The following DSCAML1 variants were observed in gnomAD, a reference collection of about 807,000 sequenced individuals.
DSCAML1 encodes DS cell adhesion molecule like 1.
A neutral mutation model predicts 200.5 loss-of-function variants in DSCAML1; 38 were observed. The observed-to-expected ratio is 0.19, with a 90% CI of 0.15 to 0.25. The LOEUF is 0.25. Among genes scored for constraint, DSCAML1 ranks in the 10% least tolerant of loss-of-function variants. The pLI, the probability that DSCAML1 is intolerant of heterozygous loss-of-function variation, is 1.00. For synonymous variants in DSCAML1, 1,215 were observed against 1,165.0 expected, an observed-to-expected ratio of 1.04 and a Z score of -0.87; for missense variants, 2,223 against 2,858.8, an observed-to-expected ratio of 0.78 and a Z score of 5.07.
intron 3 of DSCAML1, among the ~76,000 whole-genome samples, chr11:117,551,127 A>G (rs1214043799): frequency 6.6e-6 from 1 of 152,252 alleles, no homozygotes; most frequent in Non-Finnish European, 1.5e-5. Context: ...TTGAAGGGCC[A>G]TAAAGTTTCC....
rs373865472 is a variant in DSCAML1, at chr11:117,438,087, C to T, written c.4244-4G>A. The T allele has an allele frequency of 4.7e-4, 761 of 1,604,770 alleles. 9 individuals carry two copies. In the South Asian group the frequency reaches 4.7e-3, roughly 10 times the overall value. On this transcript the variant is annotated splice_region_variant and splice_polypyrimidine_tract_variant and intron_variant, in intron 24 of 32. Coordinates refer to ENST00000651296, the MANE Select transcript of DSCAML1 (RefSeq NM_020693.4). ...ACCGAGTACTGTAGCACGAAGCCTGCGGAGGGTAGGCCTGATTCAGGTGGG... is the reference window on the plus strand; with the variant it reads ...ACCGAGTACTGTAGCACGAAGCCTGTGGAGGGTAGGCCTGATTCAGGTGGG...
At chr11:117,495,380 C>G (rs1305331831) in intron 11 of DSCAML1, among the ~76,000 whole-genome samples, 1 of 152,178 alleles carries the variant, frequency 6.6e-6, no homozygotes, top group Non-Finnish European at 1.5e-5. Flanking sequence ...GGAGAAGATG[C>G]TCTTTAGAAC....
chr11:117,723,260 C>T (rs2054070047), intron 3 of DSCAML1, among the ~76,000 whole-genome samples: 1 of 152,192 alleles, frequency 6.6e-6, no homozygotes, highest in South Asian at 2.1e-4. Flanking sequence ...TATATCTGCA[C>T]CAAAGTCACT....
At chr11:117,809,188 G>A (rs1208943743) in intron 1 of DSCAML1, among the ~76,000 whole-genome samples, 3 of 152,258 alleles carry the variant, frequency 2.0e-5, no homozygotes, top group African/African-American at 7.2e-5. Flanking sequence ...TGAGACCCCA[G>A]GCTCAGGAGA....
At chr11:117,466,604 G>A (rs1327634967) in intron 16 of DSCAML1, among the ~76,000 whole-genome samples, 1 of 152,142 alleles carries the variant, frequency 6.6e-6, no homozygotes, top group Non-Finnish European at 1.5e-5. Flanking sequence ...AGGAGGCTGA[G>A]GCAGGAGAAT....
At chr11:117,787,830 T>C (rs1037617741) in intron 1 of DSCAML1, among the ~76,000 whole-genome samples, 68 of 151,892 alleles carry the variant, frequency 4.5e-4, no homozygotes, top group African/African-American at 1.6e-3. Context: ...GCTGGAGAGG[T>C]TTCTTGGATT....
At chr11:117,582,402 G>A (rs1160454837) in intron 3 of DSCAML1, among the ~76,000 whole-genome samples, 1 of 152,216 alleles carries the variant, frequency 6.6e-6, no homozygotes, top group Non-Finnish European at 1.5e-5. Context: ...CAAGGATCTT[G>A]GCTGGTTGAG....
intron 19 of DSCAML1, among the ~76,000 whole-genome samples, chr11:117,457,804 T>A (rs1254538247): frequency 6.6e-6 from 1 of 152,106 alleles, no homozygotes; most frequent in East Asian, 1.9e-4. Flanking sequence ...TCAGCCAAAT[T>A]GTTTGGGTAG....
chr11:117,654,911 A>G (rs886867198), intron 3 of DSCAML1, among the ~76,000 whole-genome samples: 2 of 152,142 alleles, frequency 1.3e-5, no homozygotes, highest in African/African-American at 4.8e-5. Context: ...CTTTCTCTTC[A>G]TCTCTACCCC....
intron 3 of DSCAML1, among the ~76,000 whole-genome samples, chr11:117,617,831 A>G (rs2051842735): frequency 6.6e-6 from 1 of 151,230 alleles, no homozygotes; most frequent in African/African-American, 2.4e-5. Context: ...ACTTCACTAC[A>G]CTCTGTGCCT....
chr11:117,587,892 T>C (rs974463133), intron 3 of DSCAML1, among the ~76,000 whole-genome samples: 48 of 152,162 alleles, frequency 3.2e-4, no homozygotes, highest in Non-Finnish European at 5.6e-4. Context: ...CTGAGTGAAA[T>C]CACAGCCCCT....
rs2049990216 is a variant in DSCAML1, at chr11:117,527,059, A to T, written c.659-1976T>A. On this transcript the variant is annotated intron_variant, in intron 4 of 32. Coordinates refer to ENST00000651296, the MANE Select transcript of DSCAML1 (RefSeq NM_020693.4). ...AAGCCTGTGGTCCTGGCTACTCAGG[A>T]GGCTGAGGTGGGAGGATCAATTGAG... Among the ~76,000 whole-genome samples the T allele has an allele frequency of 1.3e-5, 2 of 152,114 alleles. 1 individual carries two copies. Among genetic ancestry groups the T allele is most frequent in the South Asian group, 4.1e-4 (2 of 4,820 alleles).
chr11:117,758,844 C>T (rs11216535), intron 3 of DSCAML1, among the ~76,000 whole-genome samples: 8,124 of 152,148 alleles, frequency 0.053, 270 homozygotes, highest in Non-Finnish European at 0.069. Context: ...AGCATGTGAG[C>T]GTCCCCAACT....
At chr11:117,660,418 G>A (rs566171394) in intron 3 of DSCAML1, among the ~76,000 whole-genome samples, 9 of 152,272 alleles carry the variant, frequency 5.9e-5, no homozygotes, top group Admixed American at 3.3e-4. Flanking sequence ...TTCCTCAGCC[G>A]AAAAATGACA....
chr11:117,528,932 GC>G (rs150220972), intron 4 of DSCAML1, among the ~76,000 whole-genome samples: 10,890 of 79,270 alleles, frequency 0.14, 609 homozygotes, highest in African/African-American at 0.28. Flanking sequence ...GCCGCCCCCC[GC>G]CCCCCCCCTT....
At chr11:117,662,940 A>G (rs1038776926) in intron 3 of DSCAML1, among the ~76,000 whole-genome samples, 1 of 152,208 alleles carries the variant, frequency 6.6e-6, no homozygotes, top group African/African-American at 2.4e-5. Context: ...AAATAAATGT[A>G]GACTCAGAAA....
chr11:117,554,886 T>G (rs1478577883), intron 3 of DSCAML1, among the ~76,000 whole-genome samples: 1 of 151,570 alleles, frequency 6.6e-6, no homozygotes, highest in Non-Finnish European at 1.5e-5. Flanking sequence ...TTGTGGAGGG[T>G]TTTCGTTACA....
intron 3 of DSCAML1, among the ~76,000 whole-genome samples, chr11:117,650,665 A>G (rs926789793): frequency 2.7e-5 from 3 of 112,352 alleles, no homozygotes; most frequent in East Asian, 4.8e-4. Context: ...GTGTGTGTCT[A>G]TCTGTGTGTG....
At chr11:117,472,418 C>T (rs1050233902) in intron 14 of DSCAML1, among the ~76,000 whole-genome samples, 2 of 152,198 alleles carry the variant, frequency 1.3e-5, no homozygotes, top group African/African-American at 4.8e-5. Flanking sequence ...CAGTGAGACA[C>T]CCCATTTACC....
Sources: allele counts gnomAD v4.1 joint callset (sites outside exome capture counted in the v4.1 genomes callset), GRCh38; gene constraint gnomAD v4.1.1; transcripts MANE v1.5; gene names NCBI Gene and HGNC (gene_info 2026-07-23, HGNC 2026-07-21).